Variants in RAB36 observed in about 807,000 individuals in gnomAD.
RAB36 encodes the protein RAB36, member RAS oncogene family, also known as ras-related protein Rab-36.
In RAB36, 33 loss-of-function variants were observed where a neutral mutation model predicts 39.3. The observed-to-expected ratio is 0.84, with a 90% CI of 0.64 to 1.12. RAB36 has a LOEUF of 1.12. Among genes scored for constraint, RAB36 ranks in the 50% most tolerant of loss-of-function variants. RAB36 has a pLI of 0.00. For missense variants in RAB36, 308 were observed against 355.3 expected (o/e 0.87, Z 1.07); for synonymous variants, 133 against 140.2 (o/e 0.95, Z 0.36).
chr22:23,167,994 G>A (rs910085273), downstream of RAB36, among the ~76,000 whole-genome samples: 1 of 152,192 alleles, frequency 6.6e-6, no homozygotes, highest in Non-Finnish European at 1.5e-5. Flanking sequence ...CTACAGGAAT[G>A]AGCCAGCATG....
intron 5 of RAB36, among the ~76,000 whole-genome samples, chr22:23,155,406 T>C (rs111677839): frequency 0.043 from 6,572 of 152,276 alleles, 481 homozygotes; most frequent in African/African-American, 0.15. Context: ...TTGCTTCTAA[T>C]TTCTTCTCAC....
At chr22:23,160,659 A>G (rs1180490019) in intron 9 of RAB36, among the ~76,000 whole-genome samples, 4 of 152,096 alleles carry the variant, frequency 2.6e-5, no homozygotes, top group Non-Finnish European at 5.9e-5. Flanking sequence ...GGGAGGCTGG[A>G]GCCAGGTGGG....
At chr22:23,157,930 G>A in intron 6 of RAB36, 62 bp from the exon 7 acceptor site, 1 of 1,609,150 alleles carries the variant, frequency 6.2e-7, no homozygotes, top group Middle Eastern at 1.7e-4. Flanking sequence ...GCACCTCCTG[G>A]GGAGCCCCCT....
chr22:23,157,760 G>A (rs1011410498), intron 6 of RAB36, among the ~76,000 whole-genome samples: 1 of 152,182 alleles, frequency 6.6e-6, no homozygotes, highest in East Asian at 1.9e-4. Flanking sequence ...ACCTTGTCCT[G>A]CCTCCCTGGA....
At chr22:23,168,547 G>A (rs1028826863), downstream of RAB36, among the ~76,000 whole-genome samples, 3 of 152,316 alleles carry the variant, frequency 2.0e-5, no homozygotes, top group Admixed American at 2.0e-4. Flanking sequence ...GAGATGCGAT[G>A]CCCTCCCAGC....
intron 9 of RAB36, among the ~76,000 whole-genome samples, chr22:23,159,824 C>T (rs1056092241): frequency 2.0e-5 from 3 of 152,260 alleles, no homozygotes; most frequent in Non-Finnish European, 4.4e-5. Context: ...GGGTCTACCC[C>T]TGGCCATACT....
intron 6 of RAB36, among the ~76,000 whole-genome samples, chr22:23,157,417 A>AT (rs1206063377): frequency 2.0e-5 from 3 of 151,714 alleles, no homozygotes; most frequent in South Asian, 2.1e-4. Flanking sequence ...CACCCAGCTA[A>AT]TTTTTTTGTG....
At chr22:23,166,147 TAAAAAAAAAA>T (rs695297), downstream of RAB36, among the ~76,000 whole-genome samples, 248 of 59,888 alleles carry the variant, frequency 4.1e-3, 2 homozygotes, top group African/African-American at 0.017. Context: ...CTCTGTCTTT[TAAAAAAAAAA>T]AAAAAAAAAA....
rs1008951473 is a variant in RAB36, at chr22:23,145,917, G to A, written c.-13+366G>A. 4.2e-6 allele frequency: 4 copies of A among 945,044 alleles called. No homozygotes were observed. In the African/African-American group the frequency reaches 7.1e-5, roughly 17 times the overall value. The allele number at this position is 945,044 out of a possible 1,614,324, so 58.5% of individuals were successfully genotyped here. A position where few individuals can be genotyped will look rare whatever the true frequency, so the allele number is the denominator to read the frequency against. On this transcript the variant is annotated intron_variant, in intron 1 of 10. Transcript: ENST00000263116. The stretch of plus-strand genomic sequence containing the variant: ...AGGGAAAAGGCCTAGTTGGCTGAAA[G>A]TTAAGGCCCCCAGGCCCACCTAGAG...
chr22:23,148,246 G>A (rs566776781), intron 2 of RAB36, among the ~76,000 whole-genome samples: 1 of 152,156 alleles, frequency 6.6e-6, no homozygotes, highest in Non-Finnish European at 1.5e-5. Flanking sequence ...AGTTCCCCAT[G>A]GGTTTTCCAT....
At chr22:23,167,250 C>T (rs6003531), downstream of RAB36, among the ~76,000 whole-genome samples, 10 of 152,292 alleles carry the variant, frequency 6.6e-5, no homozygotes, top group African/African-American at 2.4e-4. Context: ...GGAGTTTATT[C>T]GCATGGCCCC....
At position 23,162,569 on chromosome 22, in the gene RAB36, C is replaced by G; in HGVS notation, c.*1005C>G. 2.2e-6 allele frequency: 1 copy of G among 448,290 alleles called. No homozygotes were observed. The allele number at this position is 448,290 out of a possible 1,614,324, so 27.8% of individuals were successfully genotyped here. A position where few individuals can be genotyped will look rare whatever the true frequency, so the allele number is the denominator to read the frequency against. On this transcript the variant is annotated 3_prime_UTR_variant, in exon 11 of 11. Coordinates refer to ENST00000263116, the MANE Select transcript of RAB36 (RefSeq NM_004914.5). Reference sequence around the variant, plus strand: ...CCTGTCTCCAACACCGCCTCCTGCACATGCAGAGCAGACAGAAATACCCCA... The same window carrying G: ...CCTGTCTCCAACACCGCCTCCTGCAGATGCAGAGCAGACAGAAATACCCCA...
upstream of RAB36, chr22:23,145,336 C>A (rs1336521414): frequency 6.3e-7 from 1 of 1,592,596 alleles, no homozygotes; most frequent in Non-Finnish European, 8.5e-7. Flanking sequence ...CTGCCAGCCC[C>A]GCCCAGACTC....
At position 23,161,003 on chromosome 22, in the gene RAB36, G is replaced by C. The variant is rs759744132; in HGVS notation, c.739+5G>C. The stretch of plus-strand genomic sequence containing the variant: ...TCGGCAATGGAGACCTAATCCGTGA[G>C]TATAGGTGTGACTGGGTTGGGCTGG... On this transcript the variant is annotated splice_donor_5th_base_variant and intron_variant, in intron 10 of 10. Transcript: ENST00000263116. 1 of 1,598,866 alleles carries C rather than the reference G, an allele frequency of 6.3e-7. No individual in the cohort carries two copies. Among genetic ancestry groups the C allele is most frequent in the Non-Finnish European group, 8.6e-7 (1 of 1,169,140 alleles).
At position 23,152,666 on chromosome 22, in the gene RAB36, C is replaced by T. The variant is rs190837486; in HGVS notation, c.227+140C>T. The T allele has an allele frequency of 7.4e-5, 61 of 824,048 alleles. 1 individual carries two copies. Among genetic ancestry groups the T allele is most frequent in the Admixed American group, 1.8e-4 (8 of 44,438 alleles). The allele number at this position is 824,048 out of a possible 1,614,324, so 51.0% of individuals were successfully genotyped here. A position where few individuals can be genotyped will look rare whatever the true frequency, so the allele number is the denominator to read the frequency against. ...TGCTGTGCCTCAGCCTGCTGGGAGC[C>T]GGATAAGAGGGGGTGCAAGAAATCG... is the stretch of plus-strand genomic sequence containing the variant. On this transcript the variant is annotated intron_variant, in intron 4 of 10. Transcript: ENST00000263116.
At chr22:23,159,028 C>A (rs750594496) in intron 8 of RAB36, 49 bp downstream of exon 8, 4 of 1,595,342 alleles carry the variant, frequency 2.5e-6, no homozygotes, top group Non-Finnish European at 3.4e-6. Context: ...GAAAATGCCT[C>A]CCCTTACAGC....
intron 5 of RAB36, 51 bp from the exon 6 acceptor site, chr22:23,155,917 G>A (rs2071421259): frequency 2.6e-6 from 4 of 1,531,606 alleles, no homozygotes; most frequent in Non-Finnish European, 3.5e-6. Context: ...TCAAGACACT[G>A]TGATTGTGTA....
chr22:23,153,370 G>GCCCACCTGCCCATGACCTC (rs1243265823), intron 5 of RAB36, among the ~76,000 whole-genome samples: 1 of 152,080 alleles, frequency 6.6e-6, no homozygotes, highest in East Asian at 1.9e-4. Flanking sequence ...AGCCTGACCT[G>GCCCACCTGCCCATGACCTC]CCCACCTGCC....
chr22:23,158,088 A>G (rs539978196), intron 7 of RAB36, 45 bp downstream of exon 7: 3 of 1,610,628 alleles, frequency 1.9e-6, no homozygotes, highest in Non-Finnish European at 2.5e-6. Flanking sequence ...TGGGCTCAGG[A>G]AGCTGCCTGG....
Sources: allele counts gnomAD v4.1 joint callset (sites outside exome capture counted in the v4.1 genomes callset), GRCh38; gene constraint gnomAD v4.1.1; transcripts MANE v1.5; gene names NCBI Gene and HGNC (gene_info 2026-07-23, HGNC 2026-07-21).